IQCJ: variants seen among roughly 807,000 people sequenced by gnomAD.
IQCJ encodes IQ motif containing J.
In IQCJ, 9 loss-of-function variants were observed where a neutral mutation model predicts 11.0. That is an observed-to-expected ratio of 0.82 (90% CI 0.49 to 1.43). IQCJ has a LOEUF of 1.43. Among genes scored for constraint, IQCJ ranks in the 40% most tolerant of loss-of-function variants. IQCJ has a pLI of 0.00. For synonymous variants in IQCJ, 55 were observed against 51.3 expected (o/e 1.07, Z -0.31); for missense variants, 146 against 133.2 (o/e 1.10, Z -0.47).
At chr3:159,190,795 T>C (rs568011205) in intron 1 of IQCJ, among the ~76,000 whole-genome samples, 2 of 152,320 alleles carry the variant, frequency 1.3e-5, no homozygotes, top group Admixed American at 1.3e-4. Flanking sequence ...TGGATAATAA[T>C]AGTAGCTACC....
At chr3:159,090,642 G>A (rs970144849) in intron 1 of IQCJ, among the ~76,000 whole-genome samples, 7 of 151,772 alleles carry the variant, frequency 4.6e-5, no homozygotes, top group Non-Finnish European at 1.0e-4. Flanking sequence ...CAGCTGTGAG[G>A]AAGCTGAGGT....
chr3:159,227,525 C>T (rs552480820), intron 1 of IQCJ, among the ~76,000 whole-genome samples: 10 of 152,252 alleles, frequency 6.6e-5, no homozygotes, highest in Middle Eastern at 3.4e-3. Flanking sequence ...ATAATGGACT[C>T]CAAATGTGAC....
At chr3:159,233,175 A>G (rs1726366315) in intron 1 of IQCJ, among the ~76,000 whole-genome samples, 2 of 151,944 alleles carry the variant, frequency 1.3e-5, no homozygotes, top group African/African-American at 4.8e-5. Flanking sequence ...CTGGGTTTTG[A>G]TGACACGTTT....
intron 1 of IQCJ, among the ~76,000 whole-genome samples, chr3:159,071,354 A>G (rs1293329782): frequency 3.9e-5 from 6 of 152,016 alleles, no homozygotes; most frequent in Non-Finnish European, 8.8e-5. Context: ...TTTAGGTCCT[A>G]TTCATTTCCA....
At chr3:159,243,969 G>A (rs1403665355) in intron 1 of IQCJ, among the ~76,000 whole-genome samples, 1 of 152,198 alleles carries the variant, frequency 6.6e-6, no homozygotes, top group Non-Finnish European at 1.5e-5. Context: ...AATGGTAAGA[G>A]GAAGAAATGA....
intron 1 of IQCJ, among the ~76,000 whole-genome samples, chr3:159,077,414 A>G (rs1715997613): frequency 6.6e-6 from 1 of 152,172 alleles, no homozygotes; most frequent in Non-Finnish European, 1.5e-5. Context: ...TTTTGGTTGC[A>G]GCATTGTTTG....
intron 1 of IQCJ, among the ~76,000 whole-genome samples, chr3:159,218,604 G>A (rs1725366442): frequency 6.6e-6 from 1 of 152,140 alleles, no homozygotes; most frequent in Non-Finnish European, 1.5e-5. Flanking sequence ...CTCCATAGGT[G>A]ACCAGGGCTG....
chr3:159,223,153 C>T (rs915979916), intron 1 of IQCJ, among the ~76,000 whole-genome samples: 1 of 152,100 alleles, frequency 6.6e-6, no homozygotes, highest in Admixed American at 6.6e-5. Flanking sequence ...GATTTTGCTT[C>T]TAAGAGTCCT....
chr3:159,133,656 A>T (rs761541902), intron 1 of IQCJ, among the ~76,000 whole-genome samples: 52 of 152,114 alleles, frequency 3.4e-4, no homozygotes, highest in Non-Finnish European at 7.1e-4. Context: ...AAGTGGGAGG[A>T]ACATTTTATA....
At chr3:159,142,890 A>G (rs1284812976) in intron 1 of IQCJ, among the ~76,000 whole-genome samples, 6 of 152,224 alleles carry the variant, frequency 3.9e-5, no homozygotes. Context: ...AGAGGGTGCT[A>G]TAATTGATAT....
At chr3:159,076,742 T>C (rs1715944792) in intron 1 of IQCJ, among the ~76,000 whole-genome samples, 1 of 152,064 alleles carries the variant, frequency 6.6e-6, no homozygotes, top group South Asian at 2.1e-4. Flanking sequence ...GTTTAGCATA[T>C]CATTAGGAGC....
At chr3:159,264,936 C>G (rs968008377), downstream of IQCJ, among the ~76,000 whole-genome samples, 1 of 150,718 alleles carries the variant, frequency 6.6e-6, no homozygotes, top group Non-Finnish European at 1.5e-5. Context: ...AGAATCAGAA[C>G]AGATTTTCAA....
chr3:159,164,584 A>G (rs560145963), intron 1 of IQCJ, among the ~76,000 whole-genome samples: 4 of 152,294 alleles, frequency 2.6e-5, no homozygotes, highest in African/African-American at 7.2e-5. Flanking sequence ...CCTAGTCAAC[A>G]TGGTGAAACC....
intron 1 of IQCJ, among the ~76,000 whole-genome samples, chr3:159,181,584 A>G (rs1356054317): frequency 6.6e-6 from 1 of 151,040 alleles, no homozygotes; most frequent in Non-Finnish European, 1.5e-5. Flanking sequence ...TGAACTCATC[A>G]TTGCCATCTC....
intron 1 of IQCJ, among the ~76,000 whole-genome samples, chr3:159,127,833 C>T (rs1341389701): frequency 6.6e-6 from 1 of 152,136 alleles, no homozygotes; most frequent in African/African-American, 2.4e-5. Flanking sequence ...GGGGGGCTGC[C>T]TTTGGGTTTT....
At chr3:159,230,502 A>G (rs572413483) in intron 1 of IQCJ, among the ~76,000 whole-genome samples, 1 of 152,360 alleles carries the variant, frequency 6.6e-6, no homozygotes, top group African/African-American at 2.4e-5. Context: ...ATACAAGCTC[A>G]GAAAACCCAG....
chr3:159,207,344 T>C (rs1415079916), intron 1 of IQCJ, among the ~76,000 whole-genome samples: 2 of 152,202 alleles, frequency 1.3e-5, no homozygotes, highest in African/African-American at 4.8e-5. Flanking sequence ...TATATAGTCA[T>C]GAAAAACTGT....
chr3:159,199,236 G>T (rs1286997008), intron 1 of IQCJ, among the ~76,000 whole-genome samples: 1 of 152,136 alleles, frequency 6.6e-6, no homozygotes, highest in Non-Finnish European at 1.5e-5. Context: ...ATCTGGGTTG[G>T]CCCTAAATGT....
chr3:159,126,021 C>T (rs1227541273), intron 1 of IQCJ, among the ~76,000 whole-genome samples: 2 of 152,174 alleles, frequency 1.3e-5, no homozygotes, highest in Non-Finnish European at 2.9e-5. Context: ...GAGAGCAGGG[C>T]GGGGCACATT....
Sources: gnomAD v4.1 joint callset for allele counts (sites outside exome capture counted in the v4.1 genomes callset) on GRCh38, gnomAD v4.1.1 for gene constraint, MANE v1.5 for transcripts, NCBI Gene and HGNC (gene_info 2026-07-23, HGNC 2026-07-21) for gene names.